SV2C: variants seen among roughly 807,000 people sequenced by gnomAD.
SV2C encodes synaptic vesicle glycoprotein 2C, also known as solute carrier family 22 member B3.
In SV2C, 49 loss-of-function variants were observed where a neutral mutation model predicts 79.7. The ratio of observed to expected loss-of-function variants is 0.61; its 90% CI spans 0.49 to 0.78. SV2C has a LOEUF of 0.78. SV2C is among the 30% of genes least tolerant of loss of function. SV2C has a pLI of 0.00. For synonymous variants in SV2C, 334 were observed against 333.2 expected, an observed-to-expected ratio of 1.00 and a Z score of -0.03; for missense variants, 833 against 912.9, an observed-to-expected ratio of 0.91 and a Z score of 1.13.
At chr5:76,281,245 A>C in intron 4 of SV2C, 1 of 521,884 alleles carries the variant, frequency 1.9e-6, no homozygotes, top group Non-Finnish European at 3.9e-6. Flanking sequence ...GAAAAGTAAT[A>C]GACTCTGATG....
intron 4 of SV2C, among the ~76,000 whole-genome samples, chr5:76,257,865 T>C (rs990273436): frequency 2.0e-5 from 3 of 151,174 alleles, no homozygotes; most frequent in African/African-American, 7.3e-5. Flanking sequence ...GTGGTGTGTG[T>C]GTGCAGTGTG....
At chr5:76,319,992 G>C (rs142318369) in intron 12 of SV2C, among the ~76,000 whole-genome samples, 22 of 152,170 alleles carry the variant, frequency 1.4e-4, no homozygotes, top group African/African-American at 3.9e-4. Context: ...TATGACACTA[G>C]AATCTAGAAA....
At chr5:75,911,574 T>A in the SV2C span, 1 of 676,402 alleles carries the variant, frequency 1.5e-6, no homozygotes, top group Non-Finnish European at 2.7e-6. Flanking sequence ...AGTTCTCCCC[T>A]AATCCAGAAC....
chr5:76,126,343 T>C (rs1457635941), intron 1 of SV2C, among the ~76,000 whole-genome samples: 5 of 152,090 alleles, frequency 3.3e-5, no homozygotes, highest in Non-Finnish European at 7.4e-5. Flanking sequence ...GTTTACAGGG[T>C]TGGAGGGCAA....
chr5:76,117,963 G>A (rs1748333852), intron 1 of SV2C, among the ~76,000 whole-genome samples: 1 of 152,120 alleles, frequency 6.6e-6, no homozygotes, highest in Admixed American at 6.5e-5. Flanking sequence ...CAACATATAT[G>A]ACCAAAGAGT....
chr5:76,035,096 C>T, the SV2C span, among the ~76,000 whole-genome samples: 1 of 151,914 alleles, frequency 6.6e-6, no homozygotes, highest in Non-Finnish European at 1.5e-5. Flanking sequence ...GTGGTGATAT[C>T]CCTTTGTCAT....
chr5:75,874,776 G>C, the SV2C span, among the ~76,000 whole-genome samples: 1 of 151,906 alleles, frequency 6.6e-6, no homozygotes, highest in Non-Finnish European at 1.5e-5. Context: ...GCCAAACCAA[G>C]AGCCAAATCA....
At chr5:76,083,311 G>A (rs1412247507), upstream of SV2C, 2 of 152,598 alleles carry the variant, frequency 1.3e-5, no homozygotes, top group Non-Finnish European at 2.9e-5. Context: ...AGGAGAGGAG[G>A]AGGACCGCAG....
At chr5:76,132,370 C>G (rs772582347) in intron 2 of SV2C, 40 bp downstream of exon 2, 71 of 1,546,786 alleles carry the variant, frequency 4.6e-5, no homozygotes, top group Non-Finnish European at 6.1e-5. Flanking sequence ...CTGAAACTGG[C>G]TTATTTGTTA....
intron 2 of SV2C, among the ~76,000 whole-genome samples, chr5:76,181,306 A>G (rs1029800468): frequency 6.6e-5 from 10 of 152,216 alleles, no homozygotes; most frequent in African/African-American, 2.4e-4. Flanking sequence ...TCATTGCAGT[A>G]GAGTCCGTAT....
intron 12 of SV2C, among the ~76,000 whole-genome samples, chr5:76,324,745 A>G (rs962801836): frequency 1.3e-5 from 2 of 152,114 alleles, no homozygotes; most frequent in African/African-American, 4.8e-5. Context: ...CCAAGTAGCA[A>G]CTCAGGAGGC....
chr5:76,305,315 C>T (rs182178171), intron 12 of SV2C, among the ~76,000 whole-genome samples: 46 of 152,248 alleles, frequency 3.0e-4, no homozygotes, highest in Non-Finnish European at 4.3e-4. Flanking sequence ...CTAATGAGGA[C>T]GTTGTTCATT....
At chr5:76,017,044 T>A in the SV2C span, among the ~76,000 whole-genome samples, 1 of 152,350 alleles carries the variant, frequency 6.6e-6, no homozygotes, top group East Asian at 1.9e-4. Context: ...TTTACTTGAT[T>A]ATAAATATAC....
the SV2C span, among the ~76,000 whole-genome samples, chr5:75,988,980 A>G: frequency 1.3e-5 from 2 of 151,820 alleles, no homozygotes; most frequent in African/African-American, 4.8e-5. Flanking sequence ...CCCTTAGAAA[A>G]CTACAACCAC....
chr5:75,957,392 A>G, the SV2C span, among the ~76,000 whole-genome samples: 1 of 152,026 alleles, frequency 6.6e-6, no homozygotes, highest in Non-Finnish European at 1.5e-5. Flanking sequence ...AATTGCTTCA[A>G]TGGCAATTGC....
the SV2C span, among the ~76,000 whole-genome samples, chr5:75,930,216 C>T: frequency 1.3e-5 from 2 of 152,184 alleles, no homozygotes; most frequent in South Asian, 2.1e-4. Flanking sequence ...TTTCCTTACT[C>T]CCTTCTTGAC....
At chr5:76,136,797 G>A (rs1749085982) in intron 2 of SV2C, among the ~76,000 whole-genome samples, 1 of 152,210 alleles carries the variant, frequency 6.6e-6, no homozygotes, top group Admixed American at 6.5e-5. Flanking sequence ...GGCACTTCGG[G>A]AAGATGTTAT....
At chr5:76,222,921 T>G (rs12514992) in intron 4 of SV2C, among the ~76,000 whole-genome samples, 53,239 of 152,008 alleles carry the variant, frequency 0.35, 10,295 homozygotes, top group African/African-American at 0.53. Flanking sequence ...GATTAGACAT[T>G]AGAAGCAATC....
the SV2C span, among the ~76,000 whole-genome samples, chr5:75,890,839 G>A: frequency 6.6e-6 from 1 of 152,076 alleles, no homozygotes; most frequent in Admixed American, 6.6e-5. Flanking sequence ...CAGCAGAGGT[G>A]AATGAGGATA....
Sources: allele counts gnomAD v4.1 joint callset (sites outside exome capture counted in the v4.1 genomes callset), GRCh38; gene constraint gnomAD v4.1.1; transcripts MANE v1.5; gene names NCBI Gene and HGNC (gene_info 2026-07-23, HGNC 2026-07-21).